Variants in NDFIP1 observed in about 807,000 individuals in gnomAD.
NDFIP1 encodes the protein Nedd4 family interacting protein 1.
NDFIP1 carries 7 observed loss-of-function variants against 28.8 expected under a neutral mutation model. The observed-to-expected ratio is 0.24, with a 90% CI of 0.14 to 0.46. NDFIP1 has a LOEUF of 0.46. NDFIP1 is among the 20% of genes least tolerant of loss of function. The probability of loss-of-function intolerance (pLI) is 0.99; values close to 1 mark genes in which losing one functional copy is unlikely to be tolerated. For missense variants in NDFIP1, 194 were observed against 269.1 expected, an observed-to-expected ratio of 0.72 and a Z score of 1.95; for synonymous variants, 92 against 101.0, an observed-to-expected ratio of 0.91 and a Z score of 0.53.
chr5:142,128,014 A>G (rs1343027834), intron 1 of NDFIP1, among the ~76,000 whole-genome samples: 2 of 152,180 alleles, frequency 1.3e-5, no homozygotes, highest in African/African-American at 2.4e-5. Context: ...ATGACAGGAA[A>G]AAAAATCCAG....
chr5:142,142,933 AAAAAAAAAT>A (rs1276620966), intron 6 of NDFIP1: 56 of 76,702 alleles, frequency 7.3e-4, no homozygotes, highest in South Asian at 1.7e-3. Flanking sequence ...AAAAAAAAAA[AAAAAAAAAT>A]ATATATATAT....
chr5:142,126,671 C>T lies in NDFIP1; in HGVS notation c.64-5137C>T, dbSNP rs578186936. On this transcript the variant is annotated intron_variant, in intron 1 of 7. Coordinates refer to ENST00000253814, the MANE Select transcript of NDFIP1 (RefSeq NM_030571.4). ...TAATCCAAGAATGACTTTTAAGTGCCTTTAGGTCCTGCCATTTGCTACAGT... is the reference window on the plus strand; with the variant it reads ...TAATCCAAGAATGACTTTTAAGTGCTTTTAGGTCCTGCCATTTGCTACAGT... Among the ~76,000 whole-genome samples the T allele has an allele frequency of 1.9e-3, 295 of 152,218 alleles. 1 individual carries two copies. Among genetic ancestry groups the T allele is most frequent in the Non-Finnish European group, 3.6e-3 (243 of 68,018 alleles).
At position 142,135,634 on chromosome 5, in the gene NDFIP1, A is replaced by G. The variant is rs76510941; in HGVS notation, c.283-96A>G. On this transcript the variant is annotated intron_variant, in intron 3 of 7. Transcript: ENST00000253814. ...ATGCTCATAATTTTGAACTGAACCA[A>G]AGCAATAACTTTTTTCCTTGCTACT... 4,052 of 1,042,106 alleles carry G rather than the reference A, an allele frequency of 3.9e-3. 79 individuals are homozygous for G. The African/African-American group carries it at 0.049, about 13-fold the overall frequency. The allele number at this position is 1,042,106 out of a possible 1,614,324, so 64.6% of individuals were successfully genotyped here.
At chr5:142,131,685 AT>A (rs1450178982) in intron 1 of NDFIP1, 122 bp from the exon 2 acceptor site, 1 of 655,684 alleles carries the variant, frequency 1.5e-6, no homozygotes, top group South Asian at 3.2e-5. Context: ...GGATTTGTGC[AT>A]TTCAAGGCTT....
At chr5:142,149,001 G>A (rs1388510100) in intron 7 of NDFIP1, among the ~76,000 whole-genome samples, 1 of 151,922 alleles carries the variant, frequency 6.6e-6, no homozygotes, top group Non-Finnish European at 1.5e-5. Context: ...TATTTGTGTG[G>A]TACCAAAAGC....
rs1204319728 is a variant in NDFIP1, at chr5:142,111,352, TTGTA to T, written c.63+2318_63+2321del. ...TTTTTAATGTCTGCATGGCATGTAA[TTGTA>T]TGGCTGAATCATAATTTAACTAATT... On this transcript the variant is annotated intron_variant, in intron 1 of 7. Transcript: ENST00000253814. Among the ~76,000 whole-genome samples, 3 of 152,206 alleles carry T rather than the reference TTGTA, an allele frequency of 2.0e-5. No homozygotes were observed. In the East Asian group the frequency reaches 5.8e-4, roughly 29 times the overall value.
intron 4 of NDFIP1, among the ~76,000 whole-genome samples, chr5:142,137,410 G>A (rs1242225539): frequency 6.6e-6 from 1 of 152,112 alleles, no homozygotes; most frequent in Non-Finnish European, 1.5e-5. Flanking sequence ...GTCTCAAACT[G>A]CTGGGCTCGG....
At chr5:142,122,884 C>G (rs1394087054) in intron 1 of NDFIP1, among the ~76,000 whole-genome samples, 1 of 151,932 alleles carries the variant, frequency 6.6e-6, no homozygotes, top group African/African-American at 2.4e-5. Context: ...AAAAATATAT[C>G]CTCCCGCTCT....
chr5:142,141,317 A>G (rs927499059), intron 6 of NDFIP1, among the ~76,000 whole-genome samples: 3 of 151,476 alleles, frequency 2.0e-5, no homozygotes, highest in African/African-American at 7.3e-5. Context: ...CTGGGACTAC[A>G]GGCACCTGCC....
chr5:142,120,753 A>C (rs148826995), intron 1 of NDFIP1, among the ~76,000 whole-genome samples: 1 of 152,196 alleles, frequency 6.6e-6, no homozygotes, highest in African/African-American at 2.4e-5. Context: ...ATTTAATGAG[A>C]GTTGTTAAAT....
At chr5:142,110,701 C>T (rs1407631437) in intron 1 of NDFIP1, among the ~76,000 whole-genome samples, 4 of 151,870 alleles carry the variant, frequency 2.6e-5, no homozygotes, top group African/African-American at 9.7e-5. Context: ...AAATAGATAA[C>T]CAAAGGTAAT....
chr5:142,113,714 A>G (rs1338517109), intron 1 of NDFIP1, among the ~76,000 whole-genome samples: 3 of 151,930 alleles, frequency 2.0e-5, no homozygotes, highest in Non-Finnish European at 4.4e-5. Flanking sequence ...ATAACTCTCC[A>G]TTCCCCCTCC....
At chr5:142,146,052 C>G (rs1757385386) in intron 7 of NDFIP1, among the ~76,000 whole-genome samples, 1 of 152,084 alleles carries the variant, frequency 6.6e-6, no homozygotes, top group African/African-American at 2.4e-5. Flanking sequence ...TTGAATATAA[C>G]AAACATTTTT....
intron 5 of NDFIP1, among the ~76,000 whole-genome samples, chr5:142,140,036 C>T (rs985166174): frequency 2.0e-5 from 3 of 152,144 alleles, no homozygotes; most frequent in Non-Finnish European, 4.4e-5. Flanking sequence ...TTAACAATTG[C>T]TTTTCCTTGA....
chr5:142,142,458 A>C (rs1330015830), intron 6 of NDFIP1, among the ~76,000 whole-genome samples: 1 of 152,160 alleles, frequency 6.6e-6, no homozygotes, highest in Non-Finnish European at 1.5e-5. Context: ...TCCCCAAGTC[A>C]AATCCTGAAT....
chr5:142,114,007 A>G (rs1757040179), intron 1 of NDFIP1, among the ~76,000 whole-genome samples: 1 of 152,224 alleles, frequency 6.6e-6, no homozygotes, highest in Non-Finnish European at 1.5e-5. Context: ...TAATGCTGCT[A>G]TAAAAAACAT....
rs115819825 is a variant in NDFIP1 at position 142,148,899 on chromosome 5, A to G, written c.*3-2832A>G. ...CCAGTTCACTGGAAAATACATTTTTATGGATTACCACCTCCTCTGATGCTG... is the reference window on the plus strand; with the variant it reads ...CCAGTTCACTGGAAAATACATTTTTGTGGATTACCACCTCCTCTGATGCTG... On this transcript the variant is annotated intron_variant, in intron 7 of 7. Transcript: ENST00000253814. Among the ~76,000 whole-genome samples, 1,216 of 151,842 alleles carry G rather than the reference A, an allele frequency of 8.0e-3. 22 individuals carry two copies. Among genetic ancestry groups the G allele is most frequent in the African/African-American group, 0.028 (1,156 of 41,458 alleles).
At chr5:142,113,304 A>G (rs1166276009) in intron 1 of NDFIP1, among the ~76,000 whole-genome samples, 2 of 152,224 alleles carry the variant, frequency 1.3e-5, no homozygotes, top group African/African-American at 4.8e-5. Context: ...TTCATCTCTG[A>G]TAGGTCAAAC....
chr5:142,112,740 C>T (rs148585649), intron 1 of NDFIP1, among the ~76,000 whole-genome samples: 80 of 149,620 alleles, frequency 5.3e-4, no homozygotes, highest in Admixed American at 1.5e-3. Flanking sequence ...GAGCCGAGAT[C>T]GCGCCACTGC....
Sources: allele counts gnomAD v4.1 joint callset (sites outside exome capture counted in the v4.1 genomes callset), GRCh38; gene constraint gnomAD v4.1.1; transcripts MANE v1.5; gene names NCBI Gene and HGNC (gene_info 2026-07-23, HGNC 2026-07-21).